The following SCN1A variants were observed in gnomAD, a reference collection of about 807,000 sequenced individuals.
SCN1A encodes the protein sodium channel protein type 1 subunit alpha.
SCN1A carries 13 observed loss-of-function variants against 193.7 expected under a neutral mutation model. That is an observed-to-expected ratio of 0.07 (90% CI 0.04 to 0.11). The LOEUF is 0.11. Ranked by LOEUF, SCN1A falls within the 10% of genes least tolerant of loss-of-function variation. The pLI, the probability that SCN1A is intolerant of heterozygous loss-of-function variation, is 1.00. For synonymous variants in SCN1A, 781 were observed against 843.6 expected, an observed-to-expected ratio of 0.93 and a Z score of 1.29; for missense variants, 1,432 against 2,451.1, an observed-to-expected ratio of 0.58 and a Z score of 8.78.
At chr2:166,032,202 T>TAC in intron 19 of SCN1A, among the ~76,000 whole-genome samples, 3,733 of 77,214 alleles carry the variant, frequency 0.048, 204 homozygotes, top group South Asian at 0.072. Context: ...TTGAAAGTCA[T>TAC]ACACACACAC....
intron 1 of SCN1A, among the ~76,000 whole-genome samples, chr2:166,146,154 A>G (rs1037144654): frequency 6.6e-6 from 1 of 152,160 alleles, no homozygotes; most frequent in African/African-American, 2.4e-5. Flanking sequence ...GACACAGAGG[A>G]TGATGTAAGA....
chr2:165,994,137 A>G lies in SCN1A; in HGVS notation c.4852+9T>C. ...TTAACTGAATTTAAGAACTTTAAAT[A>G]TTTCTTACCTACAATGGAGAGAATG... is the stretch of plus-strand genomic sequence containing the variant. On this transcript the variant is annotated intron_variant, in intron 28 of 28. Coordinates refer to ENST00000674923, the MANE Select transcript of SCN1A (RefSeq NM_001165963.4). The G allele has an allele frequency of 6.3e-7, 1 of 1,595,110 alleles. No homozygotes were observed. The highest frequency in any genetic ancestry group is 8.6e-7 in the Non-Finnish European group (1 of 1,166,018).
Position 166,038,040 on chromosome 2 carries a change from G to C in SCN1A, c.2682C>G (p.Thr894=). Reference sequence around the variant, plus strand: ...TGAAGACGATGATGGCCAAGACGAGGGTTAAATTTCCCAGAGCCCCCACGG... The same window carrying C: ...TGAAGACGATGATGGCCAAGACGAGCGTTAAATTTCCCAGAGCCCCCACGG... ...GNSVGALGNL[T]LVLAIIVFIF... The change falls in exon 18 of 29, where the codon ACC becomes ACG. Residue 894 remains threonine (T), a synonymous_variant. Transcript: ENST00000674923. 3 of 1,614,152 alleles carry C rather than the reference G, an allele frequency of 1.9e-6. No homozygotes were observed. Among genetic ancestry groups the C allele is most frequent in the Non-Finnish European group, 2.5e-6 (3 of 1,180,026 alleles).
intron 19 of SCN1A, among the ~76,000 whole-genome samples, chr2:166,030,703 T>A (rs1695444589): frequency 1.3e-5 from 2 of 152,078 alleles, no homozygotes; most frequent in South Asian, 4.2e-4. Flanking sequence ...TAATATAGAT[T>A]TAGCGATTTG....
chr2:166,003,524 C>CTT (rs1301777641), intron 23 of SCN1A, among the ~76,000 whole-genome samples: 2 of 146,262 alleles, frequency 1.4e-5, no homozygotes, highest in Non-Finnish European at 1.5e-5. Flanking sequence ...TTATTATCTA[C>CTT]TTTTTTTTTT....
rs1689030676 is a variant in SCN1A at position 166,109,263 on chromosome 2, TAC to T, written c.-142+17659_-142+17660del. ...TTGGATCCTACTCTGACTAACTAGG[TAC>T]ACTACTGAATTTACATCAAGATAAC... On this transcript the variant is annotated intron_variant, in intron 2 of 28. Coordinates refer to ENST00000674923, the MANE Select transcript of SCN1A (RefSeq NM_001165963.4). 2.6e-5 allele frequency among the ~76,000 whole-genome samples: 4 copies of T among 152,286 alleles called. No individual in the cohort carries two copies. The South Asian group carries it at 6.2e-4, about 24-fold the overall frequency.
intron 4 of SCN1A, among the ~76,000 whole-genome samples, chr2:166,066,062 A>G (rs1290451111): frequency 6.6e-6 from 1 of 152,102 alleles, no homozygotes; most frequent in Non-Finnish European, 1.5e-5. Flanking sequence ...GCTTGTTCCT[A>G]TGCTTTAGCT....
chr2:165,999,312 C>T (rs969589486), intron 25 of SCN1A, among the ~76,000 whole-genome samples: 1 of 151,328 alleles, frequency 6.6e-6, no homozygotes, highest in Non-Finnish European at 1.5e-5. Flanking sequence ...GCTGACAGAA[C>T]AATATCCATA....
chr2:166,076,927 A>G (rs909557147), intron 3 of SCN1A, among the ~76,000 whole-genome samples: 1 of 151,990 alleles, frequency 6.6e-6, no homozygotes, highest in Admixed American at 6.6e-5. Flanking sequence ...GCAGAACTAA[A>G]AAACTACTAG....
intron 19 of SCN1A, among the ~76,000 whole-genome samples, chr2:166,023,454 T>A (rs1379038251): frequency 1.3e-5 from 2 of 152,252 alleles, no homozygotes; most frequent in African/African-American, 4.8e-5. Context: ...CTTTAGCCCA[T>A]TTTTTAAATA....
intron 23 of SCN1A, 125 bp downstream of exon 23, chr2:166,009,589 TAAAAC>T: frequency 1.3e-6 from 1 of 750,560 alleles, no homozygotes; most frequent in Non-Finnish European, 2.1e-6. Flanking sequence ...ATGCAACAGA[TAAAAC>T]AATAAAGTAG....
At chr2:166,069,813 A>C (rs941035305) in intron 4 of SCN1A, among the ~76,000 whole-genome samples, 4 of 152,140 alleles carry the variant, frequency 2.6e-5, no homozygotes, top group African/African-American at 9.7e-5. Flanking sequence ...CACTCAGGCA[A>C]ATCTAATCCA....
intron 2 of SCN1A, among the ~76,000 whole-genome samples, chr2:166,096,105 A>G (rs1163306919): frequency 2.6e-5 from 4 of 152,338 alleles, no homozygotes; most frequent in African/African-American, 9.6e-5. Flanking sequence ...TTTAAATTAT[A>G]CAAATGTAAG....
chr2:166,097,427 T>C (rs1285529958), intron 2 of SCN1A, among the ~76,000 whole-genome samples: 1 of 152,228 alleles, frequency 6.6e-6, no homozygotes, highest in Non-Finnish European at 1.5e-5. Flanking sequence ...TTAGTCTTTA[T>C]TAATTTGTTT....
intron 2 of SCN1A, among the ~76,000 whole-genome samples, chr2:166,122,399 A>T (rs902362150): frequency 9.9e-5 from 15 of 152,224 alleles, no homozygotes; most frequent in Non-Finnish European, 8.8e-5. Context: ...TATGTTTCCA[A>T]TAATGAGAAG....
chr2:166,075,179 GT>G (rs1359851229), intron 3 of SCN1A: 1 of 151,908 alleles, frequency 6.6e-6, no homozygotes, highest in Non-Finnish European at 1.5e-5. Context: ...TATATATATA[GT>G]TTTTATTTTT....
In SCN1A at chr2:166,088,204, T is replaced by C. The variant is rs192954882; in HGVS notation, c.-141-10403A>G. Among the ~76,000 whole-genome samples the C allele has an allele frequency of 5.9e-3, 898 of 152,294 alleles. 4 individuals carry two copies. Among genetic ancestry groups the C allele is most frequent in the Non-Finnish European group, 9.2e-3 (628 of 68,016 alleles). On this transcript the variant is annotated intron_variant, in intron 2 of 28. Transcript: ENST00000674923. ...CCATAAAGTTATCAGACCAGAGTGA[T>C]TTTTCTCTAATCTAGATGTACATTA...
chr2:166,144,522 C>T (rs909927667), intron 1 of SCN1A, among the ~76,000 whole-genome samples: 12 of 151,762 alleles, frequency 7.9e-5, no homozygotes, highest in East Asian at 1.9e-4. Flanking sequence ...ATACATATAC[C>T]GGAAAATTAA....
At chr2:166,013,953 C>A in intron 20 of SCN1A, 55 bp from the exon 21 acceptor site, 1 of 1,584,592 alleles carries the variant, frequency 6.3e-7, no homozygotes, top group East Asian at 2.2e-5. Context: ...CCATAATATC[C>A]TTTAGCAATG....
Sources: gnomAD v4.1 joint callset for allele counts (sites outside exome capture counted in the v4.1 genomes callset) on GRCh38, gnomAD v4.1.1 for gene constraint, MANE v1.5 for transcripts, NCBI Gene and HGNC (gene_info 2026-07-23, HGNC 2026-07-21) for gene names.